The following USP6NL variants were observed in gnomAD, a reference collection of about 807,000 sequenced individuals.
USP6NL encodes USP6 N-terminal like, also known as USP6 N-terminal-like protein.
In USP6NL, 26 loss-of-function variants were observed where a neutral mutation model predicts 61.9. The ratio of observed to expected loss-of-function variants is 0.42; its 90% CI spans 0.31 to 0.58. USP6NL has a LOEUF of 0.58. USP6NL is among the 20% of genes least tolerant of loss of function. USP6NL has a pLI of 0.16. For missense variants in USP6NL, 1,114 were observed against 1,034.3 expected (o/e 1.08, Z -1.06); for synonymous variants, 432 against 390.1 (o/e 1.11, Z -1.27).
rs1470831958 is a variant in USP6NL, at chr10:11,600,132, T to C, written c.-83-2415A>G. 6.6e-6 allele frequency among the ~76,000 whole-genome samples: 1 copy of C among 152,178 alleles called. No homozygotes were observed. The highest frequency in any genetic ancestry group is 1.5e-5 in the Non-Finnish European group (1 of 68,036). Reference sequence around the variant, plus strand: ...ACCTTACTTTCTGTTTTTCACACCATCCAACAGGGAAAAAGTAATGTCTTA... The same window carrying C: ...ACCTTACTTTCTGTTTTTCACACCACCCAACAGGGAAAAAGTAATGTCTTA... On this transcript the variant is annotated intron_variant, in intron 1 of 14. Coordinates refer to ENST00000609104, the MANE Select transcript of USP6NL (RefSeq NM_014688.5). This position sits in a 1 kb window ranked among gnomAD's most constrained non-coding sequence, Gnocchi z 4.1.
In USP6NL at chr10:11,495,942, GT is replaced by G. The variant is rs1833904870; in HGVS notation, c.385-2715del. ...CATGTGGCCAAGCAGTTGGACTGGG[GT>G]TCCCTGAAGTCAGTACCTTTGGGTT... is the stretch of plus-strand genomic sequence containing the variant. On this transcript the variant is annotated intron_variant, in intron 7 of 14. Transcript: ENST00000609104. This position sits in a 1 kb window ranked among gnomAD's most constrained non-coding sequence, Gnocchi z 4.6. 6.6e-6 allele frequency among the ~76,000 whole-genome samples: 1 copy of G among 152,088 alleles called. No individual in the cohort carries two copies. The highest frequency in any genetic ancestry group is 2.4e-5 in the African/African-American group (1 of 41,404).
intron 2 of USP6NL, among the ~76,000 whole-genome samples, chr10:11,582,173 G>A (rs1372668675): frequency 2.6e-5 from 4 of 152,138 alleles, no homozygotes; most frequent in Non-Finnish European, 5.9e-5. Context: ...GCCATGTTGG[G>A]CAGGCTGGTG....
At chr10:11,475,521 G>T (rs1369801170) in intron 14 of USP6NL, among the ~76,000 whole-genome samples, 1 of 150,566 alleles carries the variant, frequency 6.6e-6, no homozygotes, top group Admixed American at 6.6e-5. Flanking sequence ...ACTTGAACCT[G>T]GGAGGCAAAG....
chr10:11,488,913 A>T (rs1426017321), intron 10 of USP6NL, among the ~76,000 whole-genome samples, 189 bp downstream of exon 10: 1 of 152,264 alleles, frequency 6.6e-6, no homozygotes, highest in Non-Finnish European at 1.5e-5. Flanking sequence ...AAGGAAAATA[A>T]ATGTAAATGT....
chr10:11,508,052 G>A (rs573507967), intron 6 of USP6NL, among the ~76,000 whole-genome samples: 2 of 152,188 alleles, frequency 1.3e-5, no homozygotes, highest in South Asian at 2.1e-4. Context: ...AAGATAATCT[G>A]TATCTATACA....
chr10:11,578,091 C>T (rs571186355), intron 2 of USP6NL, among the ~76,000 whole-genome samples: 1 of 152,328 alleles, frequency 6.6e-6, no homozygotes, highest in Admixed American at 6.5e-5. Context: ...TCCCAAGTAG[C>T]TGGGACCACC....
chr10:11,585,147 T>C lies in USP6NL; in HGVS notation c.4+12484A>G, dbSNP rs1315296670. ...AAACAGTGAGTCCATGAAAAAGTTA[T>C]CTTGTCTAACAAGGAAATAGCACCT... On this transcript the variant is annotated intron_variant, in intron 2 of 14. Transcript: ENST00000609104. The surrounding 1 kb of genome is among the most constrained non-coding windows in gnomAD (Gnocchi z 4.5). Among the ~76,000 whole-genome samples the C allele has an allele frequency of 6.6e-6, 1 of 152,174 alleles. No individual in the cohort carries two copies. Among genetic ancestry groups the C allele is most frequent in the Non-Finnish European group, 1.5e-5 (1 of 68,038 alleles).
In USP6NL at chr10:11,476,928, G is replaced by A. The variant is rs1421816086; in HGVS notation, c.1078+4842C>T. Reference sequence around the variant, plus strand: ...GCTCTGTCACCCAGGCTGAAGTGCAGTGGTGCGATCTTGACTCACTGCAAC... The same window carrying A: ...GCTCTGTCACCCAGGCTGAAGTGCAATGGTGCGATCTTGACTCACTGCAAC... On this transcript the variant is annotated intron_variant, in intron 14 of 14. Transcript: ENST00000609104. This position sits in a 1 kb window ranked among gnomAD's most constrained non-coding sequence, Gnocchi z 4.3. Among the ~76,000 whole-genome samples the A allele has an allele frequency of 3.3e-5, 5 of 152,178 alleles. No homozygotes were observed. Among genetic ancestry groups the A allele is most frequent in the African/African-American group, 7.2e-5 (3 of 41,446 alleles).
At chr10:11,541,527 T>C (rs920056750) in intron 2 of USP6NL, among the ~76,000 whole-genome samples, 3 of 151,948 alleles carry the variant, frequency 2.0e-5, no homozygotes, top group African/African-American at 7.3e-5. Context: ...GCAAGAAGGC[T>C]TTGAATAAAT....
intron 2 of USP6NL, among the ~76,000 whole-genome samples, chr10:11,577,253 A>G (rs912176205): frequency 2.0e-5 from 3 of 151,812 alleles, no homozygotes; most frequent in African/African-American, 7.3e-5. Flanking sequence ...TTTTAATAGA[A>G]TGGGGTTTCA....
Position 11,553,035 on chromosome 10 carries a change from T to C in USP6NL, c.5-25468A>G, listed in dbSNP as rs1183635034. ...CTCTCTCTATGACTATGTGTACCCA[T>C]TGTTTCGCTCCTACTTATAAGTGAG... On this transcript the variant is annotated intron_variant, in intron 2 of 14. Transcript: ENST00000609104. The surrounding 1 kb of genome is among the most constrained non-coding windows in gnomAD (Gnocchi z 4.8). Among the ~76,000 whole-genome samples the C allele has an allele frequency of 1.3e-5, 2 of 152,222 alleles. No homozygotes were observed. The highest frequency in any genetic ancestry group is 4.8e-5 in the African/African-American group (2 of 41,458).
In USP6NL at chr10:11,495,187, C is replaced by T. The variant is rs1833867557; in HGVS notation, c.385-1959G>A. On this transcript the variant is annotated intron_variant, in intron 7 of 14. Coordinates refer to ENST00000609104, the MANE Select transcript of USP6NL (RefSeq NM_014688.5). The surrounding 1 kb of genome is among the most constrained non-coding windows in gnomAD (Gnocchi z 4.6). ...GCACTCTTGTCTTCTGGTCACTTCT[C>T]ACTGTGTCCCCTCAGCTCCTATCTC... is the stretch of plus-strand genomic sequence containing the variant. 6.6e-6 allele frequency among the ~76,000 whole-genome samples: 1 copy of T among 152,240 alleles called. No homozygotes were observed. The highest frequency in any genetic ancestry group is 1.5e-5 in the Non-Finnish European group (1 of 68,036).
chr10:11,462,158 A>G lies in USP6NL; in HGVS notation c.*283T>C, dbSNP rs1348366616. Reference sequence around the variant, plus strand: ...ATGTTCAGGTTTTGGAGAAAAACATAACCGGAACTGAGTAATAAATTACCA... The same window carrying G: ...ATGTTCAGGTTTTGGAGAAAAACATGACCGGAACTGAGTAATAAATTACCA... On this transcript the variant is annotated 3_prime_UTR_variant, in exon 15 of 15. Coordinates refer to ENST00000609104, the MANE Select transcript of USP6NL (RefSeq NM_014688.5). 1 of 368,042 alleles carries G rather than the reference A, an allele frequency of 2.7e-6. No individual in the cohort carries two copies. Among genetic ancestry groups the G allele is most frequent in the Non-Finnish European group, 4.9e-6 (1 of 204,652 alleles). 22.8% of individuals were successfully genotyped at this position (368,042 alleles called of 1,614,324 possible). A position where few individuals can be genotyped will look rare whatever the true frequency, so the allele number is the denominator to read the frequency against.
At chr10:11,552,763 T>C (rs1290264236) in intron 2 of USP6NL, among the ~76,000 whole-genome samples, 1 of 152,250 alleles carries the variant, frequency 6.6e-6, no homozygotes, top group African/African-American at 2.4e-5. Flanking sequence ...ATTTGCCTAT[T>C]TCTACCAACA....
At chr10:11,541,230 CAT>C (rs71378797) in intron 2 of USP6NL, among the ~76,000 whole-genome samples, 5,544 of 42,542 alleles carry the variant, frequency 0.13, 118 homozygotes, top group Non-Finnish European at 0.14. Flanking sequence ...TCAATAGTGC[CAT>C]ATATATATAT....
chr10:11,588,163 G>A (rs1352571749), intron 2 of USP6NL, among the ~76,000 whole-genome samples: 1 of 152,086 alleles, frequency 6.6e-6, no homozygotes, highest in Admixed American at 6.5e-5. Context: ...TATCACAAAA[G>A]GTAAAGAAAA....
chr10:11,532,491 G>A lies in USP6NL; in HGVS notation c.5-4924C>T, dbSNP rs1835699290. 6.6e-6 allele frequency among the ~76,000 whole-genome samples: 1 copy of A among 152,180 alleles called. No individual in the cohort carries two copies. Among genetic ancestry groups the A allele is most frequent in the Admixed American group, 6.5e-5 (1 of 15,280 alleles). ...TTCAAACAAAGCTGATCATTGTTGA[G>A]GGTGAAAACACGGCTTTCAGGCTAC... On this transcript the variant is annotated intron_variant, in intron 2 of 14. Coordinates refer to ENST00000609104, the MANE Select transcript of USP6NL (RefSeq NM_014688.5). This position sits in a 1 kb window ranked among gnomAD's most constrained non-coding sequence, Gnocchi z 4.1.
rs1308493763 is a variant in USP6NL at position 11,470,999 on chromosome 10, C to A, written c.1079-7150G>T. Among the ~76,000 whole-genome samples the A allele has an allele frequency of 6.6e-6, 1 of 152,178 alleles. No homozygotes were observed. Among genetic ancestry groups the A allele is most frequent in the Non-Finnish European group, 1.5e-5 (1 of 68,030 alleles). On this transcript the variant is annotated intron_variant, in intron 14 of 14. Coordinates refer to ENST00000609104, the MANE Select transcript of USP6NL (RefSeq NM_014688.5). This position sits in a 1 kb window ranked among gnomAD's most constrained non-coding sequence, Gnocchi z 5.4. ...AGGAGATGGAGACCATCCCGGCCAACATGGTGAAACCCAGTCTCTACTAAA... is the reference window on the plus strand; with the variant it reads ...AGGAGATGGAGACCATCCCGGCCAAAATGGTGAAACCCAGTCTCTACTAAA...
chr10:11,482,577 C>T lies in USP6NL; in HGVS notation c.926-655G>A, dbSNP rs540796125. Among the ~76,000 whole-genome samples, 3 of 152,240 alleles carry T rather than the reference C, an allele frequency of 2.0e-5. No individual in the cohort carries two copies. Among genetic ancestry groups the T allele is most frequent in the African/African-American group, 7.2e-5 (3 of 41,558 alleles). ...TCCAAATTATACTTTTCAAGTTATT[C>T]CCCTTTTTGCTTTTTTCCCCATTCA... On this transcript the variant is annotated intron_variant, in intron 13 of 14. Transcript: ENST00000609104. The surrounding 1 kb of genome is among the most constrained non-coding windows in gnomAD (Gnocchi z 4.0).
Sources: gnomAD v4.1 joint callset for allele counts (sites outside exome capture counted in the v4.1 genomes callset) on GRCh38, gnomAD v4.1.1 for gene constraint, Gnocchi (gnomAD v3.1) non-coding constraint, MANE v1.5 for transcripts, NCBI Gene and HGNC (gene_info 2026-07-23, HGNC 2026-07-21) for gene names.